The following CDON variants were observed in gnomAD, a reference collection of about 807,000 sequenced individuals.
CDON encodes cell adhesion associated, oncogene regulated, also known as cell adhesion molecule-related/down-regulated by oncogenes.
Under a neutral mutation model 120.9 loss-of-function variants are expected in CDON, and 73 were observed. The observed-to-expected ratio is 0.60, with a 90% CI of 0.50 to 0.73. The LOEUF (loss-of-function observed/expected upper bound fraction) is 0.73, where lower values mean the gene tolerates loss of function less well. Among genes scored for constraint, CDON ranks in the 30% least tolerant of loss-of-function variants. CDON has a pLI of 0.00. For missense variants in CDON, 1,470 were observed against 1,587.3 expected, an observed-to-expected ratio of 0.93 and a Z score of 1.26; for synonymous variants, 566 against 573.5, an observed-to-expected ratio of 0.99 and a Z score of 0.19.
chr11:125,997,739 T>C (rs1591368800), intron 11 of CDON, among the ~76,000 whole-genome samples: 1 of 152,224 alleles, frequency 6.6e-6, no homozygotes, highest in Non-Finnish European at 1.5e-5. Context: ...AGTTTGATTG[T>C]GGTTAAAATT....
chr11:125,974,274 T>C (rs1023353717), intron 18 of CDON, among the ~76,000 whole-genome samples: 9 of 151,628 alleles, frequency 5.9e-5, no homozygotes, highest in Admixed American at 5.9e-4. Context: ...ATGCCTGTTA[T>C]GCTCACTGCC....
At chr11:125,979,601 C>A (rs1946239491) in intron 17 of CDON, among the ~76,000 whole-genome samples, 1 of 152,062 alleles carries the variant, frequency 6.6e-6, no homozygotes, top group African/African-American at 2.4e-5. Flanking sequence ...ACATTGTACA[C>A]CAAATGGGGC....
intron 4 of CDON, 22 bp downstream of exon 4, chr11:126,019,597 G>A (rs1187316126): frequency 3.7e-6 from 6 of 1,613,592 alleles, no homozygotes; most frequent in South Asian, 1.1e-5. Context: ...GTGTGCCACC[G>A]GCTTTTCACA....
chr11:126,000,104 A>G (rs1330826779), intron 11 of CDON, among the ~76,000 whole-genome samples: 1 of 152,232 alleles, frequency 6.6e-6, no homozygotes, highest in African/African-American at 2.4e-5. Context: ...CCATAACACC[A>G]AGGGTATAAT....
At chr11:125,997,476 A>G in intron 11 of CDON, 66 bp from the exon 12 acceptor site, 1 of 1,223,430 alleles carries the variant, frequency 8.2e-7, no homozygotes, top group Non-Finnish European at 1.2e-6. Flanking sequence ...TAGTTAAATT[A>G]AAGGGATAAG....
rs1269105039 is a variant in CDON, at chr11:126,032,952, G to A, written c.-61-9415C>T. Among the ~76,000 whole-genome samples the A allele has an allele frequency of 2.0e-5, 3 of 152,290 alleles. No homozygotes were observed. In the East Asian group the frequency reaches 5.8e-4, roughly 29 times the overall value. ...GAGCCCAGGAGGTTGAGGCTGCAGTGAGCTATGATCGCACCACTGTACTCC... is the reference window on the plus strand; with the variant it reads ...GAGCCCAGGAGGTTGAGGCTGCAGTAAGCTATGATCGCACCACTGTACTCC... On this transcript the variant is annotated intron_variant, in intron 1 of 19. Transcript: ENST00000531738.
chr11:125,986,089 G>A (rs1485707191), intron 15 of CDON, among the ~76,000 whole-genome samples: 3 of 152,154 alleles, frequency 2.0e-5, no homozygotes. Context: ...ATGATAGACT[G>A]GATTAAGAAA....
chr11:126,060,437 C>G (rs527606066), intron 1 of CDON, among the ~76,000 whole-genome samples: 1 of 152,190 alleles, frequency 6.6e-6, no homozygotes, highest in South Asian at 2.1e-4. Flanking sequence ...CATTTTTCAA[C>G]TCATTATTTA....
chr11:126,057,722 A>C (rs1386360557), intron 1 of CDON, among the ~76,000 whole-genome samples: 1 of 152,242 alleles, frequency 6.6e-6, no homozygotes, highest in African/African-American at 2.4e-5. Flanking sequence ...ACTGGAAAAA[A>C]ATTACACACA....
Position 126,062,133 on chromosome 11 carries a change from A to G in CDON, c.-62+446T>C, listed in dbSNP as rs147989510. 1.4e-3 allele frequency among the ~76,000 whole-genome samples: 217 copies of G among 152,326 alleles called. 5 individuals are homozygous for G. Among genetic ancestry groups the G allele is most frequent in the African/African-American group, 5.1e-3 (212 of 41,578 alleles). On this transcript the variant is annotated intron_variant, in intron 1 of 19. Transcript: ENST00000531738. ...GTGAGTCTTGTGAAGGCAGAGAAAG[A>G]TACATTGTGCAGGAAATTTCTCTTG...
chr11:125,973,486 G>A (rs538867423), intron 18 of CDON, among the ~76,000 whole-genome samples: 7 of 152,238 alleles, frequency 4.6e-5, no homozygotes, highest in Non-Finnish European at 7.4e-5. Flanking sequence ...AGCCAAGATC[G>A]TGCCACTGCA....
Position 126,017,360 on chromosome 11 carries a change from T to A in CDON, c.656A>T (p.Asp219Val). The A allele has an allele frequency of 6.2e-7, 1 of 1,614,074 alleles. No individual in the cohort carries two copies. Among genetic ancestry groups the A allele is most frequent in the South Asian group, 1.1e-5 (1 of 91,080 alleles). ...ATGGGTGGGGTGAAGAATGTGAACA[T>A]CATCTGAAGAAGGACCTGGAAAAGG... The part of the protein sequence containing the change: ...KLLVSRPSSD[D>V]VHILHPTHSQ... The change falls in exon 6 of 20, where the codon GAT becomes GTT. Residue 219 changes from aspartate to valine, a missense_variant. Coordinates refer to ENST00000531738, the MANE Select transcript of CDON (RefSeq NM_001378964.1).
chr11:126,004,437 G>A, intron 9 of CDON: 6 of 283,810 alleles, frequency 2.1e-5, no homozygotes, highest in Non-Finnish European at 2.1e-5. Context: ...AGGTATCATT[G>A]GTAATTATAT....
rs1177566988 is a variant in CDON at position 125,959,328 on chromosome 11, A to T, written c.*1614T>A. 6.6e-6 allele frequency: 1 copy of T among 152,212 alleles called. No individual in the cohort carries two copies. Among genetic ancestry groups the T allele is most frequent in the African/African-American group, 2.4e-5 (1 of 41,444 alleles). The allele number at this position is 152,212 out of a possible 1,614,324, so 9.4% of individuals were successfully genotyped here. ...TGCTGGAATTGCTTGACTCTATAGA[A>T]AGAGAATAATTTTCTGTTTCTTTCC... On this transcript the variant is annotated 3_prime_UTR_variant, in exon 20 of 20. Transcript: ENST00000531738.
intron 15 of CDON, 34 bp downstream of exon 15, chr11:125,989,603 A>G (rs1403951668): frequency 6.9e-6 from 11 of 1,601,400 alleles, no homozygotes; most frequent in Non-Finnish European, 9.4e-6. Flanking sequence ...TTGGAATTCT[A>G]TCACTGTCCA....
chr11:126,028,876 C>A (rs1217839886), intron 1 of CDON, among the ~76,000 whole-genome samples: 5 of 151,798 alleles, frequency 3.3e-5, no homozygotes, highest in Non-Finnish European at 7.4e-5. Flanking sequence ...CTAGATAACA[C>A]TCTATGAATA....
intron 17 of CDON, among the ~76,000 whole-genome samples, chr11:125,978,681 C>T (rs377521534): frequency 5.9e-5 from 9 of 152,184 alleles, no homozygotes; most frequent in African/African-American, 1.9e-4. Context: ...AAAGTTTAGT[C>T]ACTTCCCTTC....
chr11:126,003,816 TCTC>T (rs1277953718), intron 10 of CDON, 83 bp downstream of exon 10: 13 of 1,238,234 alleles, frequency 1.0e-5, no homozygotes, highest in Non-Finnish European at 1.5e-5. Flanking sequence ...CAAGACTCCA[TCTC>T]AAAAAAAATA....
rs73021217 is a variant in CDON, at chr11:126,023,190, G to A, written c.76+211C>T. 0.041 allele frequency among the ~76,000 whole-genome samples: 6,311 copies of A among 152,168 alleles called. 155 individuals carry two copies. Among genetic ancestry groups the A allele is most frequent in the Middle Eastern group, 0.088 (26 of 294 alleles). On this transcript the variant is annotated intron_variant, in intron 2 of 19. Coordinates refer to ENST00000531738, the MANE Select transcript of CDON (RefSeq NM_001378964.1). ...TGAAAGGGATAAATTATAAGGGCCA[G>A]GACAGGAAGGCCTGCTAATGCCCAA...
Sources: gnomAD v4.1 joint callset for allele counts (sites outside exome capture counted in the v4.1 genomes callset) on GRCh38, gnomAD v4.1.1 for gene constraint, MANE v1.5 for transcripts, NCBI Gene and HGNC (gene_info 2026-07-23, HGNC 2026-07-21) for gene names.